The following EMP1 variants were observed in gnomAD, a reference collection of about 807,000 sequenced individuals.
EMP1 encodes tumor-associated membrane protein.
In EMP1, 5 loss-of-function variants were observed where a neutral mutation model predicts 15.7. The observed-to-expected ratio is 0.32, with a 90% confidence interval of 0.17 to 0.67. The LOEUF (loss-of-function observed/expected upper bound fraction) is 0.67, where lower values mean the gene tolerates loss of function less well. EMP1 is among the 30% of genes least tolerant of loss of function. The pLI is 0.74. For missense variants in EMP1, 166 were observed against 194.2 expected (o/e 0.85, Z 0.86); for synonymous variants, 78 against 76.7 (o/e 1.02, Z -0.09).
At chr12:13,197,222 A>C (rs1301203942) in intron 1 of EMP1, among the ~76,000 whole-genome samples, 1 of 152,136 alleles carries the variant, frequency 6.6e-6, no homozygotes, top group African/African-American at 2.4e-5. Context: ...GAAACACCAC[A>C]CACCTTGGAA....
rs1864201531 is a variant in EMP1, at chr12:13,214,989, C to G, written c.*298C>G. 5.8e-6 allele frequency: 2 copies of G among 343,212 alleles called. No homozygotes were observed. The highest frequency in any genetic ancestry group is 1.3e-4 in the East Asian group (2 of 15,184). 21.3% of individuals were successfully genotyped at this position (343,212 alleles called of 1,614,324 possible). On this transcript the variant is annotated 3_prime_UTR_variant, in exon 5 of 5. Coordinates refer to ENST00000256951, the MANE Select transcript of EMP1 (RefSeq NM_001423.3). The stretch of plus-strand genomic sequence containing the variant: ...TTAGTGACACACACTGTCTGGGGCC[C>G]CATCAGCTGCCACAACACCAGCCCC...
chr12:13,196,754 C>T lies in EMP1; in HGVS notation c.-161C>T, dbSNP rs985740326. 8 of 152,034 alleles carry T rather than the reference C, an allele frequency of 5.3e-5. No individual in the cohort carries two copies. The highest frequency in any genetic ancestry group is 1.2e-4 in the Non-Finnish European group (8 of 68,106). 9.4% of individuals were successfully genotyped at this position (152,034 alleles called of 1,614,324 possible). A position where few individuals can be genotyped will look rare whatever the true frequency, so the allele number is the denominator to read the frequency against. ...CACCCCAGTACACCAGCAGAGGAAACTTATAACCTCGGGAGGCAGGTCCTT... is the reference window on the plus strand; with the variant it reads ...CACCCCAGTACACCAGCAGAGGAAATTTATAACCTCGGGAGGCAGGTCCTT... On this transcript the variant is annotated 5_prime_UTR_variant, in exon 1 of 5. Coordinates refer to ENST00000256951, the MANE Select transcript of EMP1 (RefSeq NM_001423.3).
At position 13,219,462 on chromosome 12, in the gene EMP1, C is replaced by G. The variant is rs1314019827; in HGVS notation, c.*4771C>G. On this transcript the variant is annotated 3_prime_UTR_variant, in exon 5 of 5. Coordinates refer to ENST00000256951, the MANE Select transcript of EMP1 (RefSeq NM_001423.3). ...TCATCTTCCTGTCTTCTTCTGAGCC[C>G]TCCAAACTCTTCCAACCTCTACCCG... 6.6e-6 allele frequency: 1 copy of G among 152,224 alleles called. No homozygotes were observed. Among genetic ancestry groups the G allele is most frequent in the African/African-American group, 2.4e-5 (1 of 41,456 alleles). The allele number at this position is 152,224 out of a possible 1,614,324, so 9.4% of individuals were successfully genotyped here. A position where few individuals can be genotyped will look rare whatever the true frequency, so the allele number is the denominator to read the frequency against.
rs1864211251 is a variant in EMP1, at chr12:13,215,943, TC to T, written c.*1255del. ...CTGCATTCCCAGGAAAATACGAAAA[TC>T]CCATGAGATAAATAAAAATATAGGT... On this transcript the variant is annotated 3_prime_UTR_variant, in exon 5 of 5. Transcript: ENST00000256951. 1 of 161,930 alleles carries T rather than the reference TC, an allele frequency of 6.2e-6. No individual in the cohort carries two copies. The highest frequency in any genetic ancestry group is 1.4e-5 in the Non-Finnish European group (1 of 73,626). The allele number at this position is 161,930 out of a possible 1,614,324, so 10.0% of individuals were successfully genotyped here.
chr12:13,209,043 G>C (rs937927642), intron 1 of EMP1: 1 of 152,224 alleles, frequency 6.6e-6, no homozygotes, highest in Non-Finnish European at 1.5e-5. Flanking sequence ...AATGTTTTCT[G>C]TGACTCATTT....
Position 13,211,384 on chromosome 12 carries a change from G to A in EMP1, c.-42-85G>A. 1 of 870,270 alleles carries A rather than the reference G, an allele frequency of 1.1e-6. No individual in the cohort carries two copies. The highest frequency in any genetic ancestry group is 1.9e-6 in the Non-Finnish European group (1 of 533,098). 53.9% of individuals were successfully genotyped at this position (870,270 alleles called of 1,614,324 possible). On this transcript the variant is annotated intron_variant, in intron 1 of 4. Transcript: ENST00000256951. This position sits in a 1 kb window ranked among gnomAD's most constrained non-coding sequence, Gnocchi z 4.7. Reference sequence around the variant, plus strand: ...TTTAGTGCAGCTCTTCCTCATGTTAGCAGATAGCCCACACGTGTGGGAAAG... The same window carrying A: ...TTTAGTGCAGCTCTTCCTCATGTTAACAGATAGCCCACACGTGTGGGAAAG...
At chr12:13,214,248 A>G in intron 4 of EMP1, 3 of 594,338 alleles carry the variant, frequency 5.0e-6, no homozygotes, top group South Asian at 4.2e-5. Flanking sequence ...TAGACCCACA[A>G]GGGCCAGACA....
At chr12:13,199,964 C>CTTTTTTTTTTTTT (rs60389913) in intron 1 of EMP1, among the ~76,000 whole-genome samples, 1 of 107,618 alleles carries the variant, frequency 9.3e-6, no homozygotes, top group African/African-American at 3.1e-5. Context: ...TCTTCTTCTT[C>CTTTTTTTTTTTTT]TTTTTTTTTT....
chr12:13,212,899 G>A (rs973542618), intron 2 of EMP1, among the ~76,000 whole-genome samples: 11 of 152,246 alleles, frequency 7.2e-5, no homozygotes, highest in Non-Finnish European at 1.6e-4. Flanking sequence ...AGCCCCTACA[G>A]GAAAGCACTT....
chr12:13,213,549 G>A lies in EMP1; in HGVS notation c.149G>A (p.Ser50Asn). The A allele has an allele frequency of 6.2e-7, 1 of 1,614,198 alleles. No individual in the cohort carries two copies. Among genetic ancestry groups the A allele is most frequent in the Non-Finnish European group, 8.5e-7 (1 of 1,180,038 alleles). Residue 50 changes from serine to asparagine, a missense_variant, in exon 3 of 5, where the codon AGT becomes AAT. Transcript: ENST00000256951. ...AAAAACTGTACCAACATTAGCTGCAGTGACAGCCTGTCATATGCCAGTGAA... is the reference window on the plus strand; with the variant it reads ...AAAAACTGTACCAACATTAGCTGCAATGACAGCCTGTCATATGCCAGTGAA... ...LWKNCTNISCSDSLSYASEDA... is the reference protein window; with the variant it reads ...LWKNCTNISCNDSLSYASEDA...
rs954066941 is a variant in EMP1, at chr12:13,214,997, T to C, written c.*306T>C. 3 of 339,422 alleles carry C rather than the reference T, an allele frequency of 8.8e-6. No homozygotes were observed. In the East Asian group the frequency reaches 2.0e-4, roughly 23 times the overall value. The allele number at this position is 339,422 out of a possible 1,614,324, so 21.0% of individuals were successfully genotyped here. ...ACACACTGTCTGGGGCCCCATCAGC[T>C]GCCACAACACCAGCCCCACTTCTGG... is the stretch of plus-strand genomic sequence containing the variant. On this transcript the variant is annotated 3_prime_UTR_variant, in exon 5 of 5. Coordinates refer to ENST00000256951, the MANE Select transcript of EMP1 (RefSeq NM_001423.3).
chr12:13,214,016 A>G (rs1249156080), intron 4 of EMP1, 195 bp downstream of exon 4: 3 of 831,324 alleles, frequency 3.6e-6, no homozygotes, highest in African/African-American at 1.7e-5. Flanking sequence ...TTCATTGTTC[A>G]AAACCAGTGC....
At position 13,211,402 on chromosome 12, in the gene EMP1, T is replaced by C. The variant is rs1306365630; in HGVS notation, c.-42-67T>C. 3 of 1,078,934 alleles carry C rather than the reference T, an allele frequency of 2.8e-6. No individual in the cohort carries two copies. The highest frequency in any genetic ancestry group is 4.2e-6 in the Non-Finnish European group (3 of 710,216). The allele number at this position is 1,078,934 out of a possible 1,614,324, so 66.8% of individuals were successfully genotyped here. On this transcript the variant is annotated intron_variant, in intron 1 of 4. Transcript: ENST00000256951. The surrounding 1 kb of genome is among the most constrained non-coding windows in gnomAD (Gnocchi z 4.7). The stretch of plus-strand genomic sequence containing the variant: ...CATGTTAGCAGATAGCCCACACGTG[T>C]GGGAAAGCTGAGTCGTCTTATTGAA...
At chr12:13,203,334 A>G (rs1443020598) in intron 1 of EMP1, among the ~76,000 whole-genome samples, 2 of 152,234 alleles carry the variant, frequency 1.3e-5, no homozygotes, top group East Asian at 1.9e-4. Flanking sequence ...CCCAGGGAAC[A>G]TCGCCTGATC....
In EMP1 at chr12:13,216,660, T is replaced by C. The variant is rs1864218700; in HGVS notation, c.*1969T>C. The C allele has an allele frequency of 7.0e-6, 4 of 570,476 alleles. No individual in the cohort carries two copies. Among genetic ancestry groups the C allele is most frequent in the African/African-American group, 1.9e-5 (1 of 52,650 alleles). 35.3% of individuals were successfully genotyped at this position (570,476 alleles called of 1,614,324 possible). A position where few individuals can be genotyped will look rare whatever the true frequency, so the allele number is the denominator to read the frequency against. On this transcript the variant is annotated 3_prime_UTR_variant, in exon 5 of 5. Coordinates refer to ENST00000256951, the MANE Select transcript of EMP1 (RefSeq NM_001423.3). ...TTTGCATTACTCTGGTGGATTGTTC[T>C]AGTACTGTATTGGGCTTCTTCGTTA... is the stretch of plus-strand genomic sequence containing the variant.
At position 13,213,333 on chromosome 12, in the gene EMP1, C is replaced by A; in HGVS notation, c.79-146C>A. On this transcript the variant is annotated intron_variant, in intron 2 of 4. Transcript: ENST00000256951. Reference sequence around the variant, plus strand: ...TTCAGTTTTAATCGGACCTTATTTCCGCCCACAGATAAGCTGCATAGCCAT... The same window carrying A: ...TTCAGTTTTAATCGGACCTTATTTCAGCCCACAGATAAGCTGCATAGCCAT... 1.4e-6 allele frequency: 1 copy of A among 715,572 alleles called. No individual in the cohort carries two copies. Among genetic ancestry groups the A allele is most frequent in the South Asian group, 1.9e-5 (1 of 51,734 alleles). 44.3% of individuals were successfully genotyped at this position (715,572 alleles called of 1,614,324 possible).
chr12:13,209,448 C>A (rs1467999139), intron 1 of EMP1: 1 of 152,152 alleles, frequency 6.6e-6, no homozygotes, highest in East Asian at 1.9e-4. Flanking sequence ...AACTAGACAG[C>A]AGATATCTTA....
At chr12:13,204,570 C>T (rs951875605) in intron 1 of EMP1, among the ~76,000 whole-genome samples, 72 of 152,296 alleles carry the variant, frequency 4.7e-4, no homozygotes, top group African/African-American at 1.5e-3. Flanking sequence ...GAAAGGCTTT[C>T]GTGCCACCCT....
rs1182255422 is a variant in EMP1 at position 13,214,721 on chromosome 12, G to C, written c.*30G>C. 1 of 1,594,896 alleles carries C rather than the reference G, an allele frequency of 6.3e-7. No homozygotes were observed. Among genetic ancestry groups the C allele is most frequent in the African/African-American group, 1.4e-5 (1 of 73,480 alleles). ...GGACGAGTTCATGGGGATCTGGGGG[G>C]TGGGGAGGAGGAAGCCGTTGAATCT... On this transcript the variant is annotated 3_prime_UTR_variant, in exon 5 of 5. Transcript: ENST00000256951.
Sources: allele counts gnomAD v4.1 joint callset (sites outside exome capture counted in the v4.1 genomes callset), GRCh38; gene constraint gnomAD v4.1.1; non-coding constraint Gnocchi (gnomAD v3.1); transcripts MANE v1.5; gene names NCBI Gene and HGNC (gene_info 2026-07-23, HGNC 2026-07-21).